The following AUTS2 variants were observed in gnomAD, a reference collection of about 807,000 sequenced individuals.
AUTS2 encodes the protein autism susceptibility gene 2 protein.
In AUTS2, 17 loss-of-function variants were observed where a neutral mutation model predicts 112.4. The observed-to-expected ratio is 0.15, with a 90% CI of 0.10 to 0.23. The LOEUF is 0.23. AUTS2 is among the 10% of genes least tolerant of loss of function. AUTS2 has a pLI of 1.00. For synonymous variants in AUTS2, 751 were observed against 702.7 expected (o/e 1.07, Z -1.09); for missense variants, 1,510 against 1,701.6 (o/e 0.89, Z 1.98).
intron 1 of AUTS2, among the ~76,000 whole-genome samples, chr7:69,897,983 GGTTTT>G (rs1408874167): frequency 1.3e-5 from 2 of 151,902 alleles, no homozygotes; most frequent in East Asian, 1.9e-4. Context: ...TTTCTATTTT[GGTTTT>G]GTTTTATTTT....
chr7:70,364,382 G>C (rs943007113), intron 4 of AUTS2, among the ~76,000 whole-genome samples: 1 of 151,788 alleles, frequency 6.6e-6, no homozygotes, highest in African/African-American at 2.4e-5. Flanking sequence ...GGCCAACATG[G>C]TGAAACCCAG....
intron 6 of AUTS2, among the ~76,000 whole-genome samples, chr7:70,733,674 C>T (rs1164423827): frequency 6.6e-6 from 1 of 152,066 alleles, no homozygotes; most frequent in African/African-American, 2.4e-5. Flanking sequence ...GCAACCTCCG[C>T]CTCCAGGGTT....
intron 1 of AUTS2, among the ~76,000 whole-genome samples, chr7:69,705,154 A>G (rs565578453): frequency 2.0e-5 from 3 of 152,322 alleles, no homozygotes; most frequent in South Asian, 2.1e-4. Flanking sequence ...GGCGTGAGCC[A>G]TTGTGCCTGG....
chr7:70,443,101 C>T (rs1796185060), intron 5 of AUTS2, among the ~76,000 whole-genome samples: 3 of 152,104 alleles, frequency 2.0e-5, no homozygotes, highest in African/African-American at 7.2e-5. Context: ...TCATTACTAC[C>T]ATGTCATGCA....
intron 1 of AUTS2, among the ~76,000 whole-genome samples, chr7:69,699,613 C>A (rs1047684296): frequency 6.8e-6 from 1 of 146,792 alleles, no homozygotes; most frequent in Non-Finnish European, 1.5e-5. Context: ...ATCTTTTGCT[C>A]TTACAAGTGA....
intron 4 of AUTS2, among the ~76,000 whole-genome samples, chr7:70,357,602 A>G (rs1044764439): frequency 3.9e-5 from 6 of 152,098 alleles, no homozygotes; most frequent in African/African-American, 1.2e-4. Flanking sequence ...CTCCCTTCCA[A>G]AAGCCTCAGT....
At chr7:70,751,774 G>T (rs1185641663) in intron 6 of AUTS2, among the ~76,000 whole-genome samples, 1 of 152,178 alleles carries the variant, frequency 6.6e-6, no homozygotes, top group Admixed American at 6.5e-5. Context: ...AGGCTGGAGT[G>T]CAGTGGGACG....
intron 1 of AUTS2, among the ~76,000 whole-genome samples, chr7:69,781,999 C>T (rs1453989004): frequency 6.6e-6 from 1 of 152,176 alleles, no homozygotes; most frequent in Admixed American, 6.5e-5. Flanking sequence ...CCCGAGGGAA[C>T]TTGAAAGTAC....
At chr7:70,364,608 A>AATAAATAC (rs1792477674) in intron 4 of AUTS2, among the ~76,000 whole-genome samples, 1 of 150,258 alleles carries the variant, frequency 6.7e-6, no homozygotes, top group Non-Finnish European at 1.5e-5. Context: ...TAAATAAATA[A>AATAAATAC]ATAAATAAAA....
At chr7:70,043,253 A>T (rs949565061) in intron 2 of AUTS2, among the ~76,000 whole-genome samples, 4 of 152,136 alleles carry the variant, frequency 2.6e-5, no homozygotes, top group Admixed American at 2.6e-4. Context: ...CTTTTGGAAG[A>T]TAGAATTAGC....
intron 5 of AUTS2, among the ~76,000 whole-genome samples, chr7:70,608,480 C>G (rs1275909814): frequency 1.3e-5 from 2 of 152,184 alleles, no homozygotes; most frequent in African/African-American, 4.8e-5. Context: ...TGCCTCTGCC[C>G]ATAGTGTAGC....
chr7:69,683,844 G>A (rs1304420224), intron 1 of AUTS2, among the ~76,000 whole-genome samples: 1 of 151,694 alleles, frequency 6.6e-6, no homozygotes, highest in African/African-American at 2.4e-5. Flanking sequence ...CTGGGAGGTG[G>A]AGGTTGCAGT....
chr7:70,473,744 G>A (rs562036287), intron 5 of AUTS2, among the ~76,000 whole-genome samples: 12 of 147,804 alleles, frequency 8.1e-5, no homozygotes, highest in African/African-American at 1.5e-4. Context: ...GGTTGGAAGC[G>A]CCCCCCAGAT....
chr7:70,331,482 A>G (rs1453984909), intron 4 of AUTS2, among the ~76,000 whole-genome samples: 1 of 148,578 alleles, frequency 6.7e-6, no homozygotes, highest in Non-Finnish European at 1.5e-5. Flanking sequence ...ATTTTTGTTA[A>G]TCTTTTCAAA....
At chr7:70,153,147 A>C (rs1398753607) in intron 4 of AUTS2, among the ~76,000 whole-genome samples, 1 of 152,236 alleles carries the variant, frequency 6.6e-6, no homozygotes, top group East Asian at 1.9e-4. Context: ...TATTTGTAAT[A>C]GCCCCAAATT....
intron 4 of AUTS2, among the ~76,000 whole-genome samples, chr7:70,297,098 C>G (rs1788978491): frequency 6.6e-6 from 1 of 151,368 alleles, no homozygotes; most frequent in Non-Finnish European, 1.5e-5. Flanking sequence ...CATCCTCCCA[C>G]CTTGACCTCC....
chr7:70,308,782 T>C lies in AUTS2; in HGVS notation c.661-126970T>C, dbSNP rs187315178. ...ACATGTGCCGAAACATCTATACACATATTAATTTTTTTTTGTATAGCCAAA... is the reference window on the plus strand; with the variant it reads ...ACATGTGCCGAAACATCTATACACACATTAATTTTTTTTTGTATAGCCAAA... On this transcript the variant is annotated intron_variant, in intron 4 of 18. Transcript: ENST00000342771. Among the ~76,000 whole-genome samples, 8 of 152,254 alleles carry C rather than the reference T, an allele frequency of 5.3e-5. No individual in the cohort carries two copies. In the East Asian group the frequency reaches 1.5e-3, roughly 29 times the overall value.
At chr7:69,989,679 C>G (rs1439771561) in intron 2 of AUTS2, among the ~76,000 whole-genome samples, 4 of 152,086 alleles carry the variant, frequency 2.6e-5, no homozygotes, top group African/African-American at 4.8e-5. Context: ...AACTGGACAT[C>G]AAGTAGACTA....
At chr7:70,402,730 A>G (rs1794376440) in intron 4 of AUTS2, among the ~76,000 whole-genome samples, 1 of 152,178 alleles carries the variant, frequency 6.6e-6, no homozygotes, top group African/African-American at 2.4e-5. Flanking sequence ...TCTGAGCTTC[A>G]GTCTCCAATT....
Sources: allele counts gnomAD v4.1 joint callset (sites outside exome capture counted in the v4.1 genomes callset), GRCh38; gene constraint gnomAD v4.1.1; transcripts MANE v1.5; gene names NCBI Gene and HGNC (gene_info 2026-07-23, HGNC 2026-07-21).